Variants in KIAA1958 observed in about 807,000 individuals in gnomAD.
KIAA1958 encodes the protein KIAA1958.
KIAA1958 carries 14 observed loss-of-function variants against 47.2 expected under a neutral mutation model. The observed-to-expected ratio is 0.30, with a 90% confidence interval of 0.20 to 0.46. The LOEUF (loss-of-function observed/expected upper bound fraction) is 0.46. Among genes scored for constraint, KIAA1958 ranks in the 20% least tolerant of loss-of-function variants. KIAA1958 has a pLI of 1.00. For missense variants in KIAA1958, 803 were observed against 909.2 expected, an observed-to-expected ratio of 0.88 and a Z score of 1.50; for synonymous variants, 354 against 353.3, an observed-to-expected ratio of 1.00 and a Z score of -0.02.
chr9:112,508,828 GATT>G (rs1800033714), intron 1 of KIAA1958, among the ~76,000 whole-genome samples: 1 of 152,012 alleles, frequency 6.6e-6, no homozygotes, highest in African/African-American at 2.4e-5. Flanking sequence ...ATTTTTATAA[GATT>G]ATTTGGCCCT....
intron 1 of KIAA1958, among the ~76,000 whole-genome samples, chr9:112,569,398 A>T (rs7873006): frequency 0.96 from 145,518 of 152,322 alleles, 69,585 homozygotes; most frequent in African/African-American, 0.99. Context: ...TAGTCAGTAC[A>T]TTGCTGGCTT....
chr9:112,614,195 T>A (rs1378238712), intron 2 of KIAA1958, among the ~76,000 whole-genome samples: 1 of 152,032 alleles, frequency 6.6e-6, no homozygotes, highest in Non-Finnish European at 1.5e-5. Context: ...TCATATGTGT[T>A]ACAATAATAG....
chr9:112,508,320 G>A (rs184526025), intron 1 of KIAA1958, among the ~76,000 whole-genome samples: 6 of 152,152 alleles, frequency 3.9e-5, no homozygotes, highest in African/African-American at 1.2e-4. Context: ...CTTCTGCACC[G>A]TAGGTTATGA....
intron 1 of KIAA1958, among the ~76,000 whole-genome samples, chr9:112,522,126 C>T (rs1012682019): frequency 2.0e-5 from 3 of 152,164 alleles, no homozygotes; most frequent in African/African-American, 4.8e-5. Context: ...CATGTGCCAC[C>T]ATGCCCAGCT....
intron 1 of KIAA1958, among the ~76,000 whole-genome samples, chr9:112,501,899 ATT>A (rs1049409634): frequency 3.3e-5 from 5 of 152,236 alleles, no homozygotes; most frequent in Non-Finnish European, 7.4e-5. Context: ...GTGACATTGT[ATT>A]GTTTTGTTTT....
intron 1 of KIAA1958, among the ~76,000 whole-genome samples, chr9:112,568,201 A>G (rs1406835287): frequency 6.6e-6 from 1 of 152,176 alleles, no homozygotes; most frequent in Non-Finnish European, 1.5e-5. Context: ...GAGCAGATGA[A>G]CCATATTCAG....
chr9:112,530,745 G>A (rs982375124), intron 1 of KIAA1958, among the ~76,000 whole-genome samples: 2 of 152,066 alleles, frequency 1.3e-5, no homozygotes, highest in African/African-American at 4.8e-5. Context: ...GTAGCTGAAC[G>A]GATATCATTA....
At chr9:112,508,972 T>C (rs1834277742) in intron 1 of KIAA1958, among the ~76,000 whole-genome samples, 1 of 152,214 alleles carries the variant, frequency 6.6e-6, no homozygotes, top group East Asian at 1.9e-4. Flanking sequence ...AAGAAAATTA[T>C]TTGATAAAGA....
At chr9:112,606,778 G>A (rs2676628) in intron 2 of KIAA1958, among the ~76,000 whole-genome samples, 129,665 of 152,154 alleles carry the variant, frequency 0.85, 55,481 homozygotes, top group African/African-American at 0.9. Context: ...AGATCAGAAA[G>A]CATTGTGATT....
At chr9:112,527,449 A>G (rs1387682545) in intron 1 of KIAA1958, among the ~76,000 whole-genome samples, 1 of 152,224 alleles carries the variant, frequency 6.6e-6, no homozygotes, top group Non-Finnish European at 1.5e-5. Context: ...ACACAGGATG[A>G]AGTTGAAGAA....
intron 2 of KIAA1958, among the ~76,000 whole-genome samples, chr9:112,588,797 C>T (rs1472876091): frequency 6.6e-6 from 1 of 152,122 alleles, no homozygotes; most frequent in African/African-American, 2.4e-5. Context: ...GAGGTTTTCC[C>T]TGCGTTGATC....
chr9:112,659,676 C>T lies in KIAA1958; in HGVS notation c.1758C>T (p.Leu586=). The T allele has an allele frequency of 6.2e-7, 1 of 1,614,146 alleles. No homozygotes were observed. Among genetic ancestry groups the T allele is most frequent in the South Asian group, 1.1e-5 (1 of 91,066 alleles). ...ADLMYGDIEL[L]KDPQNQPYFA... ...TGATGTATGGTGACATCGAGCTGCT[C>T]AAAGACCCCCAAAACCAGCCCTACT... Residue 586 remains leucine, a synonymous_variant, in exon 4 of 4, where the codon CTC becomes CTT. Transcript: ENST00000337530.
rs756020391 is a variant in KIAA1958 at position 112,574,173 on chromosome 9, C to T, written c.93C>T (p.Asn31=). ...GGACTATTTGCAGCCTCATTCCAAA[C>T]CTGAAACACTTGCTTTCTGAAGGTT... ...SHGTICSLIP[N]LKHLLSEGSH... is the part of the protein sequence containing the mutation. The change falls in exon 2 of 4, where the codon AAC becomes AAT. Residue 31 remains asparagine (N), a synonymous_variant. Transcript: ENST00000337530. 4.3e-6 allele frequency: 7 copies of T among 1,614,144 alleles called. No individual in the cohort carries two copies. The South Asian group carries it at 5.5e-5, about 13-fold the overall frequency.
chr9:112,509,146 A>G (rs1834281872), intron 1 of KIAA1958, among the ~76,000 whole-genome samples: 1 of 151,214 alleles, frequency 6.6e-6, no homozygotes. Flanking sequence ...GAGAAGTTCT[A>G]TCCTTGAGAC....
Position 112,664,205 on chromosome 9 carries a change from T to C in KIAA1958, c.*4136T>C, listed in dbSNP as rs1157085459. ...TCTCACTATATTGGGATGCCTTCTT[T>C]AGGAATAAGACTTTCCTTTAATTTT... On this transcript the variant is annotated 3_prime_UTR_variant, in exon 4 of 4. Transcript: ENST00000337530. 2 of 152,284 alleles carry C rather than the reference T, an allele frequency of 1.3e-5. No individual in the cohort carries two copies. The highest frequency in any genetic ancestry group is 4.1e-4 in the South Asian group (2 of 4,834). The allele number at this position is 152,284 out of a possible 1,614,324, so 9.4% of individuals were successfully genotyped here.
intron 3 of KIAA1958, among the ~76,000 whole-genome samples, chr9:112,652,714 G>A (rs1320864057): frequency 2.0e-5 from 3 of 152,072 alleles, no homozygotes; most frequent in East Asian, 1.9e-4. Flanking sequence ...CTACCTCCGG[G>A]GTTCAAGTGA....
chr9:112,520,978 T>C (rs777156108), intron 1 of KIAA1958, among the ~76,000 whole-genome samples: 1 of 152,222 alleles, frequency 6.6e-6, no homozygotes, highest in Non-Finnish European at 1.5e-5. Flanking sequence ...TTCTTTGTTT[T>C]GTTTTCTATT....
chr9:112,634,398 T>C (rs1836765235), intron 2 of KIAA1958, among the ~76,000 whole-genome samples: 1 of 152,024 alleles, frequency 6.6e-6, no homozygotes, highest in Admixed American at 6.6e-5. Flanking sequence ...CCGGCTAATT[T>C]TTTTGTATTT....
At chr9:112,594,347 ATTG>A (rs772210406) in intron 2 of KIAA1958, among the ~76,000 whole-genome samples, 3 of 152,164 alleles carry the variant, frequency 2.0e-5, no homozygotes, top group Non-Finnish European at 2.9e-5. Context: ...TTTCAAGTAT[ATTG>A]TTGTGCTGCC....
Sources: allele counts gnomAD v4.1 joint callset (sites outside exome capture counted in the v4.1 genomes callset), GRCh38; gene constraint gnomAD v4.1.1; transcripts MANE v1.5; gene names NCBI Gene and HGNC (gene_info 2026-07-23, HGNC 2026-07-21).